TNPO2: variants seen among roughly 807,000 people sequenced by gnomAD.
The protein encoded by TNPO2 is transportin-2.
In TNPO2, 16 loss-of-function variants were observed where a neutral mutation model predicts 111.1. The ratio of observed to expected loss-of-function variants is 0.14; its 90% CI spans 0.10 to 0.22. The LOEUF (loss-of-function observed/expected upper bound fraction) is 0.22, where lower values mean the gene tolerates loss of function less well. Ranked by LOEUF, TNPO2 falls within the 10% of genes least tolerant of loss-of-function variation. TNPO2 has a pLI of 1.00. For synonymous variants in TNPO2, 481 were observed against 475.8 expected, an observed-to-expected ratio of 1.01 and a Z score of -0.14; for missense variants, 530 against 1,173.7, an observed-to-expected ratio of 0.45 and a Z score of 8.01.
In TNPO2 at chr19:12,719,103, G is replaced by A; in HGVS notation, c.251C>T (p.Pro84Leu). 3 of 1,614,030 alleles carry A rather than the reference G, an allele frequency of 1.9e-6. No individual in the cohort carries two copies. The highest frequency in any genetic ancestry group is 2.5e-6 in the Non-Finnish European group (3 of 1,179,898). The change falls in exon 5 of 26, where the codon CCT becomes CTT. Residue 84 changes from proline (P) to leucine (L), a missense_variant. Pro to Leu is a moderately conservative substitution (Grantham distance 98). Transcript: ENST00000425528. This position sits in a 1 kb window ranked among gnomAD's most constrained non-coding sequence, Gnocchi z 5.0. ...CTCCTGTTTGATGAAGTCTGCCACA[G>A]GGGGTGGGAAGCTCTGATAGTGTGC... ...VKAHYQSFPP[P>L]VADFIKQECL...
chr19:12,702,164 A>G lies in TNPO2; in HGVS notation c.2319T>C (p.Ser773=), dbSNP rs370026661. Residue 773 remains serine, a synonymous_variant, in exon 22 of 26, where the codon AGT becomes AGC. Transcript: ENST00000425528. This position sits in a 1 kb window ranked among gnomAD's most constrained non-coding sequence, Gnocchi z 5.5. ...TLLENTGRLT[S]PSAIPAITIG... is the part of the protein sequence containing the mutation. ...TGGTGATGGCTGGAATGGCAGAGGG[A>G]CTCGTCAGGCGACCTGCAACCCCGA... 1.1e-5 allele frequency: 17 copies of G among 1,612,802 alleles called. No individual in the cohort carries two copies. Among genetic ancestry groups the G allele is most frequent in the Non-Finnish European group, 1.4e-5 (16 of 1,179,650 alleles).
chr19:12,714,953 G>A lies in TNPO2; in HGVS notation c.772-14C>T. On this transcript the variant is annotated splice_polypyrimidine_tract_variant and intron_variant, in intron 9 of 25. Coordinates refer to ENST00000425528, the MANE Select transcript of TNPO2 (RefSeq NM_001382241.1). ...CTGCAGCATGTACTGTGGTAGGGGG[G>A]AGAAGCTGAGGCCTGGCCTGGCTGG... The A allele has an allele frequency of 6.2e-7, 1 of 1,605,304 alleles. No individual in the cohort carries two copies. The highest frequency in any genetic ancestry group is 8.5e-7 in the Non-Finnish European group (1 of 1,176,250).
In TNPO2 at chr19:12,702,600, TC is replaced by T. The variant is rs372007132; in HGVS notation, c.2305+222del. Among the ~76,000 whole-genome samples, 859 of 152,236 alleles carry T rather than the reference TC, an allele frequency of 5.6e-3. 13 individuals are homozygous for T. The highest frequency in any genetic ancestry group is 8.9e-3 in the Non-Finnish European group (603 of 68,004). ...CCAGGCTGGTCTCGAACTCCTGACT[TC>T]AGGTGATCTGCCTCCCAAAGTGCTG... On this transcript the variant is annotated intron_variant, in intron 21 of 25. Transcript: ENST00000425528. The surrounding 1 kb of genome is among the most constrained non-coding windows in gnomAD (Gnocchi z 5.5).
At position 12,706,502 on chromosome 19, in the gene TNPO2, G is replaced by A. The variant is rs1277627811; in HGVS notation, c.1496+68C>T. The stretch of plus-strand genomic sequence containing the variant: ...AATCAGTTCCACATCAACAGTCACA[G>A]GTGTCATCACTTCCCAGAGGGTGGC... On this transcript the variant is annotated intron_variant, in intron 14 of 25. Transcript: ENST00000425528. The surrounding 1 kb of genome is among the most constrained non-coding windows in gnomAD (Gnocchi z 7.0). 1.9e-6 allele frequency: 3 copies of A among 1,581,788 alleles called. No homozygotes were observed. Among genetic ancestry groups the A allele is most frequent in the Admixed American group, 1.7e-5 (1 of 59,990 alleles).
chr19:12,703,324 AAG>A, intron 20 of TNPO2, 102 bp downstream of exon 20: 3 of 1,073,126 alleles, frequency 2.8e-6, no homozygotes, highest in East Asian at 2.4e-5. Flanking sequence ...GACGACCCCC[AAG>A]AGACTTGCCT....
At position 12,706,590 on chromosome 19, in the gene TNPO2, C is replaced by T. The variant is rs775353198; in HGVS notation, c.1476G>A (p.Arg492=). Residue 492 remains arginine, a synonymous_variant, in exon 14 of 26, where the codon AGG becomes AGA. Coordinates refer to ENST00000425528, the MANE Select transcript of TNPO2 (RefSeq NM_001382241.1). This position sits in a 1 kb window ranked among gnomAD's most constrained non-coding sequence, Gnocchi z 7.0. ...LLKRILDGNK[R]VQEAACSAFA... is the part of the protein sequence containing the mutation. ...GTCACCTGCAGGCCGCCTCCTGTACCCTCTTGTTGCCATCCAGGATGCGTT... is the reference window on the plus strand; with the variant it reads ...GTCACCTGCAGGCCGCCTCCTGTACTCTCTTGTTGCCATCCAGGATGCGTT... The T allele has an allele frequency of 1.2e-6, 2 of 1,614,116 alleles. No homozygotes were observed. The highest frequency in any genetic ancestry group is 1.7e-6 in the Non-Finnish European group (2 of 1,180,018).
Position 12,719,705 on chromosome 19 carries a change from A to G in TNPO2, c.100-369T>C, listed in dbSNP as rs1299950293. On this transcript the variant is annotated intron_variant, in intron 3 of 25. Coordinates refer to ENST00000425528, the MANE Select transcript of TNPO2 (RefSeq NM_001382241.1). This position sits in a 1 kb window ranked among gnomAD's most constrained non-coding sequence, Gnocchi z 5.0. ...TCCCAACTACTTGGGAGGCTGACGC[A>G]GGGGAATCGCTTGAACCCAGCAGGT... Among the ~76,000 whole-genome samples the G allele has an allele frequency of 6.6e-6, 1 of 152,038 alleles. No individual in the cohort carries two copies. Among genetic ancestry groups the G allele is most frequent in the Non-Finnish European group, 1.5e-5 (1 of 68,002 alleles).
intron 10 of TNPO2, among the ~76,000 whole-genome samples, chr19:12,711,870 T>TC (rs1184298412): frequency 1.3e-5 from 2 of 151,740 alleles, no homozygotes; most frequent in Non-Finnish European, 2.9e-5. Context: ...AGAAAGGTTT[T>TC]TTTTTTTTTT....
chr19:12,715,336 C>G lies in TNPO2; in HGVS notation c.567-12G>C. 3 of 1,613,830 alleles carry G rather than the reference C, an allele frequency of 1.9e-6. No homozygotes were observed. The South Asian group carries it at 3.3e-5, about 18-fold the overall frequency. On this transcript the variant is annotated splice_polypyrimidine_tract_variant and intron_variant, in intron 7 of 25. Coordinates refer to ENST00000425528, the MANE Select transcript of TNPO2 (RefSeq NM_001382241.1). The surrounding 1 kb of genome is among the most constrained non-coding windows in gnomAD (Gnocchi z 7.1). ...CGATGGCGTGGGACCTGGCGGGGAGCAGACACGTGGGTCACCCTGACCCTG... is the reference window on the plus strand; with the variant it reads ...CGATGGCGTGGGACCTGGCGGGGAGGAGACACGTGGGTCACCCTGACCCTG...
In TNPO2 at chr19:12,702,122, G is replaced by A. The variant is rs757223735; in HGVS notation, c.2361C>T (p.Tyr787=). ...TGGGTGCCACCTCCTGGGGGCACACGTAGCCCAAGCGGCCGATGGTGATGG... is the reference window on the plus strand; with the variant it reads ...TGGGTGCCACCTCCTGGGGGCACACATAGCCCAAGCGGCCGATGGTGATGG... The part of the protein sequence containing the change: ...IPAITIGRLG[Y]VCPQEVAPML... The change falls in exon 22 of 26, where the codon TAC becomes TAT. Residue 787 remains tyrosine, a synonymous_variant. Transcript: ENST00000425528. This position sits in a 1 kb window ranked among gnomAD's most constrained non-coding sequence, Gnocchi z 5.5. The A allele has an allele frequency of 6.4e-5, 103 of 1,613,476 alleles. No homozygotes were observed. The South Asian group carries it at 8.5e-4, about 13-fold the overall frequency.
In TNPO2 at chr19:12,701,880, G is replaced by T. The variant is rs755279115; in HGVS notation, c.2412-29C>A. 6.3e-7 allele frequency: 1 copy of T among 1,589,602 alleles called. No homozygotes were observed. On this transcript the variant is annotated intron_variant, in intron 22 of 25. Transcript: ENST00000425528. The surrounding 1 kb of genome is among the most constrained non-coding windows in gnomAD (Gnocchi z 5.0). ...TGGGAAGGTGAGCAGCTGGAGGTCA[G>T]AGGGCAGGCTGGGCATGCATCTGTG...
In TNPO2 at chr19:12,719,059, C is replaced by T; in HGVS notation, c.295G>A (p.Asp99Asn). 6.2e-7 allele frequency: 1 copy of T among 1,613,930 alleles called. No homozygotes were observed. The change falls in exon 5 of 26, where the codon GAT becomes AAT. Residue 99 changes from aspartate to asparagine, a missense_variant. By Grantham distance (23) the Asp-to-Asn change is conservative. Coordinates refer to ENST00000425528, the MANE Select transcript of TNPO2 (RefSeq NM_001382241.1). This position sits in a 1 kb window ranked among gnomAD's most constrained non-coding sequence, Gnocchi z 5.0. ...IKQECLNNIGDASSLIRATIG... is the reference protein window; with the variant it reads ...IKQECLNNIGNASSLIRATIG... ...GTGGCTCGGATGAGCGAGGAGGCAT[C>T]GCCAATGTTGTTGAGACACTCCTGT... is the stretch of plus-strand genomic sequence containing the variant.
rs1288401405 is a variant in TNPO2 at position 12,705,228 on chromosome 19, G to C, written c.2022+12C>G. On this transcript the variant is annotated intron_variant, in intron 18 of 25. Coordinates refer to ENST00000425528, the MANE Select transcript of TNPO2 (RefSeq NM_001382241.1). This position sits in a 1 kb window ranked among gnomAD's most constrained non-coding sequence, Gnocchi z 7.2. ...CTGCTGGGTGTCATCACTGTCCAGGGTCCCCACCCACCTGCATGCACTGGA... is the reference window on the plus strand; with the variant it reads ...CTGCTGGGTGTCATCACTGTCCAGGCTCCCCACCCACCTGCATGCACTGGA... The C allele has an allele frequency of 5.6e-6, 9 of 1,597,994 alleles. No homozygotes were observed. Among genetic ancestry groups the C allele is most frequent in the Non-Finnish European group, 7.7e-6 (9 of 1,173,168 alleles).
At chr19:12,712,105 G>C (rs2145557931) in intron 10 of TNPO2, among the ~76,000 whole-genome samples, 1 of 152,228 alleles carries the variant, frequency 6.6e-6, no homozygotes, top group African/African-American at 2.4e-5. Flanking sequence ...TCATAGCCTA[G>C]GAAAAACCAG....
In TNPO2 at chr19:12,706,412, G is replaced by A; in HGVS notation, c.1497-45C>T. On this transcript the variant is annotated intron_variant, in intron 14 of 25. Transcript: ENST00000425528. The surrounding 1 kb of genome is among the most constrained non-coding windows in gnomAD (Gnocchi z 7.0). ...AGCGGGGGCTCAGTGGACCATGGCA[G>A]GTGACACTGGGCCATGGGCAGTTGG... 1 of 1,610,136 alleles carries A rather than the reference G, an allele frequency of 6.2e-7. No homozygotes were observed. Among genetic ancestry groups the A allele is most frequent in the Admixed American group, 1.7e-5 (1 of 60,010 alleles).
rs993933504 is a variant in TNPO2 at position 12,723,833 on chromosome 19, G to A, written c.-195C>T. The A allele has an allele frequency of 1.3e-5, 2 of 152,216 alleles. No homozygotes were observed. Among genetic ancestry groups the A allele is most frequent in the African/African-American group, 2.4e-5 (1 of 41,438 alleles). The allele number at this position is 152,216 out of a possible 1,614,324, so 9.4% of individuals were successfully genotyped here. A position where few individuals can be genotyped will look rare whatever the true frequency, so the allele number is the denominator to read the frequency against. On this transcript the variant is annotated 5_prime_UTR_variant, in exon 1 of 26. Transcript: ENST00000425528. ...GAAAATCAAGTCCCGGGCCTCCAAG[G>A]TTAGGGAAGTGTCGGCAGGCGCCTA...
At chr19:12,710,991 T>C (rs2026006481) in intron 12 of TNPO2, among the ~76,000 whole-genome samples, 1 of 151,974 alleles carries the variant, frequency 6.6e-6, no homozygotes, top group African/African-American at 2.4e-5. Flanking sequence ...GCCTCCTGGG[T>C]TCATGCCGTT....
In TNPO2 at chr19:12,705,108, G is replaced by T; in HGVS notation, c.2022+132C>A. 2 of 988,514 alleles carry T rather than the reference G, an allele frequency of 2.0e-6. No individual in the cohort carries two copies. Among genetic ancestry groups the T allele is most frequent in the Non-Finnish European group, 3.0e-6 (2 of 674,046 alleles). The allele number at this position is 988,514 out of a possible 1,614,324, so 61.2% of individuals were successfully genotyped here. A position where few individuals can be genotyped will look rare whatever the true frequency, so the allele number is the denominator to read the frequency against. On this transcript the variant is annotated intron_variant, in intron 18 of 25. Coordinates refer to ENST00000425528, the MANE Select transcript of TNPO2 (RefSeq NM_001382241.1). The surrounding 1 kb of genome is among the most constrained non-coding windows in gnomAD (Gnocchi z 7.2). Reference sequence around the variant, plus strand: ...CAAGCAATCCTGCCTCGGCCTCCAGGATTACTCTTTAAAATAATTAGAACA... The same window carrying T: ...CAAGCAATCCTGCCTCGGCCTCCAGTATTACTCTTTAAAATAATTAGAACA...
intron 5 of TNPO2, among the ~76,000 whole-genome samples, chr19:12,717,272 T>C (rs1290660855): frequency 1.4e-4 from 20 of 139,766 alleles, no homozygotes; most frequent in African/African-American, 5.9e-4. Flanking sequence ...TTCTCTCTTT[T>C]TTTTTTTTTT....
Sources: allele counts gnomAD v4.1 joint callset (sites outside exome capture counted in the v4.1 genomes callset), GRCh38; gene constraint gnomAD v4.1.1; non-coding constraint Gnocchi (gnomAD v3.1); transcripts MANE v1.5; gene names NCBI Gene and HGNC (gene_info 2026-07-23, HGNC 2026-07-21).